Variants in NPAS3 observed in about 807,000 individuals in gnomAD.
NPAS3 encodes neuronal PAS domain-containing protein 3.
NPAS3 carries 14 observed loss-of-function variants against 73.1 expected under a neutral mutation model. The ratio of observed to expected loss-of-function variants is 0.19; its 90% CI spans 0.13 to 0.30. The LOEUF is 0.30. NPAS3 is among the 10% of genes least tolerant of loss of function. NPAS3 has a pLI of 1.00. For synonymous variants in NPAS3, 620 were observed against 541.5 expected (o/e 1.14, Z -2.01); for missense variants, 1,096 against 1,250.0 (o/e 0.88, Z 1.86).
At chr14:33,325,351 T>G (rs1053335461) in intron 3 of NPAS3, among the ~76,000 whole-genome samples, 1 of 152,066 alleles carries the variant, frequency 6.6e-6, no homozygotes, top group Non-Finnish European at 1.5e-5. Flanking sequence ...TATTTTAAAA[T>G]GTACAATTGG....
At chr14:32,934,954 G>T (rs1474787611), upstream of NPAS3, 1 of 1,277,054 alleles carries the variant, frequency 7.8e-7, no homozygotes, top group Admixed American at 2.8e-5. The surrounding 1 kb of genome is among the most constrained non-coding windows in gnomAD (Gnocchi z 4.1). Context: ...CGGCGCCGCG[G>T]CCAACGGCAC....
intron 5 of NPAS3, among the ~76,000 whole-genome samples, chr14:33,584,141 C>T (rs538615234): frequency 6.6e-6 from 1 of 152,198 alleles, no homozygotes; most frequent in East Asian, 1.9e-4. Flanking sequence ...ATCACTACTT[C>T]AAAATGTGTA....
intron 2 of NPAS3, among the ~76,000 whole-genome samples, chr14:33,190,286 G>C (rs951279606): frequency 6.6e-6 from 1 of 152,206 alleles, no homozygotes; most frequent in Non-Finnish European, 1.5e-5. Context: ...TTTCAGAACA[G>C]TATCAAGAAG....
chr14:32,998,155 A>T (rs2038659853), intron 1 of NPAS3, among the ~76,000 whole-genome samples: 1 of 152,246 alleles, frequency 6.6e-6, no homozygotes, highest in African/African-American at 2.4e-5. Flanking sequence ...GATTAGAAAA[A>T]GAAATTGTGT....
intron 1 of NPAS3, among the ~76,000 whole-genome samples, chr14:33,027,606 A>T (rs1291942620): frequency 2.6e-5 from 4 of 152,078 alleles, no homozygotes; most frequent in African/African-American, 9.7e-5. Flanking sequence ...TATTTTATGA[A>T]TGCTCATTGA....
chr14:33,129,785 A>G (rs901776817), intron 2 of NPAS3, among the ~76,000 whole-genome samples: 1 of 152,154 alleles, frequency 6.6e-6, no homozygotes, highest in African/African-American at 2.4e-5. Flanking sequence ...AAAAGTAAAG[A>G]TATTAGTTAC....
chr14:33,465,178 T>C (rs1028625132), intron 4 of NPAS3, among the ~76,000 whole-genome samples: 1 of 152,170 alleles, frequency 6.6e-6, no homozygotes, highest in African/African-American at 2.4e-5. Flanking sequence ...ATCTTTGTTT[T>C]TTCCAAGGCA....
intron 3 of NPAS3, among the ~76,000 whole-genome samples, chr14:33,358,677 ACT>A (rs1226489921): frequency 1.3e-5 from 2 of 152,086 alleles, no homozygotes; most frequent in Non-Finnish European, 2.9e-5. Flanking sequence ...ATCCCAGTAG[ACT>A]CTGATGATCT....
At chr14:33,274,049 T>G (rs2041220418) in intron 3 of NPAS3, among the ~76,000 whole-genome samples, 1 of 152,084 alleles carries the variant, frequency 6.6e-6, no homozygotes, top group African/African-American at 2.4e-5. Context: ...AGATGCTGTT[T>G]GGAGAGACAC....
intron 3 of NPAS3, among the ~76,000 whole-genome samples, chr14:33,234,179 A>G (rs117204399): frequency 2.7e-3 from 409 of 152,250 alleles, no homozygotes; most frequent in Non-Finnish European, 4.5e-3. Flanking sequence ...ATTCCCTTTA[A>G]AAAATAATTT....
At chr14:32,965,914 C>T (rs998778463) in intron 1 of NPAS3, among the ~76,000 whole-genome samples, 1 of 151,784 alleles carries the variant, frequency 6.6e-6, no homozygotes, top group Non-Finnish European at 1.5e-5. Flanking sequence ...TTCTATAGAC[C>T]AAGTGCAAAC....
chr14:33,615,306 A>G (rs1325064661), intron 5 of NPAS3, among the ~76,000 whole-genome samples: 1 of 152,184 alleles, frequency 6.6e-6, no homozygotes, highest in Non-Finnish European at 1.5e-5. Flanking sequence ...TACCAAGTTC[A>G]ATTTGGCTGC....
intron 3 of NPAS3, among the ~76,000 whole-genome samples, chr14:33,351,969 A>G (rs2045083009): frequency 6.6e-6 from 1 of 152,126 alleles, no homozygotes; most frequent in South Asian, 2.1e-4. Flanking sequence ...TGGGTGCAGC[A>G]AACCACCATG....
At chr14:32,952,307 C>T (rs551730238) in intron 1 of NPAS3, among the ~76,000 whole-genome samples, 1 of 152,244 alleles carries the variant, frequency 6.6e-6, no homozygotes, top group South Asian at 2.1e-4. Flanking sequence ...TACTAGACTT[C>T]CGTAACTCCT....
chr14:33,104,668 T>C (rs1488943235), intron 2 of NPAS3, among the ~76,000 whole-genome samples: 1 of 152,208 alleles, frequency 6.6e-6, no homozygotes, highest in Non-Finnish European at 1.5e-5. Context: ...TTAGATTTTG[T>C]TTCTGAGAGG....
At chr14:33,254,195 G>A (rs556821343) in intron 3 of NPAS3, among the ~76,000 whole-genome samples, 6 of 152,092 alleles carry the variant, frequency 3.9e-5, no homozygotes, top group Admixed American at 3.9e-4. Flanking sequence ...AGCTTCCATA[G>A]TCCTCCGTGG....
intron 3 of NPAS3, among the ~76,000 whole-genome samples, chr14:33,217,190 G>A (rs560589584): frequency 5.9e-5 from 9 of 152,150 alleles, no homozygotes; most frequent in South Asian, 2.1e-4. Flanking sequence ...TCACTATCAC[G>A]AGATAGCATA....
intron 9 of NPAS3, among the ~76,000 whole-genome samples, chr14:33,782,783 A>C (rs1011830165): frequency 1.7e-4 from 26 of 151,964 alleles, no homozygotes; most frequent in Admixed American, 1.1e-3. Context: ...TGCAGTTAAA[A>C]AGCATGGCCT....
At chr14:33,129,618 G>A (rs1193312114) in intron 2 of NPAS3, among the ~76,000 whole-genome samples, 1 of 152,062 alleles carries the variant, frequency 6.6e-6, no homozygotes, top group African/African-American at 2.4e-5. Context: ...AGTCTATTTG[G>A]TTGTTCCCAA....
Sources: gnomAD v4.1 joint callset for allele counts (sites outside exome capture counted in the v4.1 genomes callset) on GRCh38, gnomAD v4.1.1 for gene constraint, Gnocchi (gnomAD v3.1) non-coding constraint, MANE v1.5 for transcripts, NCBI Gene and HGNC (gene_info 2026-07-23, HGNC 2026-07-21) for gene names.